The following LRMDA variants were observed in gnomAD, a reference collection of about 807,000 sequenced individuals.
LRMDA encodes the protein leucine-rich melanocyte differentiation-associated protein.
In LRMDA, 18 loss-of-function variants were observed where a neutral mutation model predicts 29.8. The ratio of observed to expected loss-of-function variants is 0.60; its 90% confidence interval spans 0.42 to 0.90. The LOEUF is 0.90. Among genes scored for constraint, LRMDA ranks in the 40% least tolerant of loss-of-function variants. The pLI, the probability that LRMDA is intolerant of heterozygous loss-of-function variation, is 0.00. For missense variants in LRMDA, 273 were observed against 273.9 expected (o/e 1.00, Z 0.02); for synonymous variants, 125 against 109.4 (o/e 1.14, Z -0.89).
intron 6 of LRMDA, among the ~76,000 whole-genome samples, chr10:76,421,271 C>T (rs1357844927): frequency 6.6e-6 from 1 of 152,016 alleles, no homozygotes; most frequent in African/African-American, 2.4e-5. Context: ...GAAATATTTT[C>T]CCTTTATTTT....
intron 2 of LRMDA, among the ~76,000 whole-genome samples, chr10:75,856,497 C>T (rs1441590026): frequency 2.0e-5 from 3 of 152,152 alleles, no homozygotes; most frequent in Non-Finnish European, 4.4e-5. Context: ...ATCAAGTGGG[C>T]TTCATCCCTG....
chr10:76,052,325 A>G (rs913215499), intron 4 of LRMDA, among the ~76,000 whole-genome samples: 5 of 152,238 alleles, frequency 3.3e-5, no homozygotes, highest in African/African-American at 1.2e-4. Context: ...TACTTCTTGA[A>G]TAGAGTGTCA....
chr10:76,509,451 G>A (rs557499994), intron 6 of LRMDA, among the ~76,000 whole-genome samples: 1 of 152,184 alleles, frequency 6.6e-6, no homozygotes, highest in Non-Finnish European at 1.5e-5. Flanking sequence ...AACAGTCCTT[G>A]AAATTATGCT....
At chr10:76,090,920 C>T (rs892999807) in intron 5 of LRMDA, among the ~76,000 whole-genome samples, 9 of 152,080 alleles carry the variant, frequency 5.9e-5, no homozygotes, top group African/African-American at 2.2e-4. Flanking sequence ...GGAGACTGTA[C>T]CACAATGTGA....
At chr10:75,448,913 A>G (rs1370580896) in intron 2 of LRMDA, among the ~76,000 whole-genome samples, 2 of 152,190 alleles carry the variant, frequency 1.3e-5, no homozygotes, top group African/African-American at 4.8e-5. Context: ...GCACTTTGGG[A>G]TACTGAGGTG....
intron 2 of LRMDA, among the ~76,000 whole-genome samples, chr10:75,598,473 C>T (rs918958505): frequency 1.3e-5 from 2 of 152,018 alleles, no homozygotes; most frequent in Non-Finnish European, 2.9e-5. Context: ...CTGGACAGTG[C>T]TGGACGATGT....
At position 76,095,631 on chromosome 10, in the gene LRMDA, G is replaced by C. The variant is rs561948110; in HGVS notation, c.516+36848G>C. ...CTTCCAGCAATGTATGAATGTTCCA[G>C]TTCTACTCACTTGCTATATATAACT... On this transcript the variant is annotated intron_variant, in intron 5 of 6. Transcript: ENST00000611255. Among the ~76,000 whole-genome samples the C allele has an allele frequency of 2.3e-3, 351 of 152,268 alleles. 1 individual carries two copies. Among genetic ancestry groups the C allele is most frequent in the African/African-American group, 8.1e-3 (335 of 41,552 alleles).
chr10:75,798,310 T>G (rs547941210), intron 2 of LRMDA, among the ~76,000 whole-genome samples: 1 of 152,242 alleles, frequency 6.6e-6, no homozygotes, highest in East Asian at 1.9e-4. Context: ...GCAAAAGTTT[T>G]TAATATTGGC....
chr10:75,854,531 G>T (rs962346790), intron 2 of LRMDA, among the ~76,000 whole-genome samples: 3 of 151,982 alleles, frequency 2.0e-5, no homozygotes, highest in African/African-American at 7.3e-5. Context: ...AATAATCAAG[G>T]CTTTGGAAAA....
At chr10:75,868,875 C>T (rs1845063181) in intron 2 of LRMDA, among the ~76,000 whole-genome samples, 1 of 152,200 alleles carries the variant, frequency 6.6e-6, no homozygotes, top group African/African-American at 2.4e-5. Context: ...CAGCTCCGTC[C>T]TGTGTGAATG....
At chr10:75,487,305 A>G (rs1015575777) in intron 2 of LRMDA, among the ~76,000 whole-genome samples, 1 of 152,208 alleles carries the variant, frequency 6.6e-6, no homozygotes, top group Non-Finnish European at 1.5e-5. Context: ...AACTGTATGT[A>G]CCAGCAAATG....
intron 6 of LRMDA, among the ~76,000 whole-genome samples, chr10:76,469,157 C>T (rs1322054427): frequency 6.6e-6 from 1 of 152,152 alleles, no homozygotes; most frequent in Non-Finnish European, 1.5e-5. Flanking sequence ...TCCTCCTCCC[C>T]GCAGCTTACT....
At chr10:75,981,757 C>T (rs1847174548) in intron 2 of LRMDA, among the ~76,000 whole-genome samples, 1 of 150,300 alleles carries the variant, frequency 6.7e-6, no homozygotes, top group Non-Finnish European at 1.5e-5. Context: ...GAGGCTGAGG[C>T]AGGAGAATCA....
intron 2 of LRMDA, among the ~76,000 whole-genome samples, chr10:75,721,134 T>A (rs1436123128): frequency 6.6e-6 from 1 of 152,236 alleles, no homozygotes; most frequent in African/African-American, 2.4e-5. Flanking sequence ...AATCTGAGAC[T>A]GTTTGTAATT....
At position 76,119,087 on chromosome 10, in the gene LRMDA, T is replaced by C. The variant is rs145533243; in HGVS notation, c.516+60304T>C. Among the ~76,000 whole-genome samples, 919 of 152,306 alleles carry C rather than the reference T, an allele frequency of 6.0e-3. 4 individuals carry two copies. The highest frequency in any genetic ancestry group is 0.019 in the African/African-American group (772 of 41,560). ...AATTAGTCCCTGTAGAAAGGATTGATTTTTGAGAGGCTTGTAGTGAACATC... is the reference window on the plus strand; with the variant it reads ...AATTAGTCCCTGTAGAAAGGATTGACTTTTGAGAGGCTTGTAGTGAACATC... On this transcript the variant is annotated intron_variant, in intron 5 of 6. Coordinates refer to ENST00000611255, the MANE Select transcript of LRMDA (RefSeq NM_001305581.2).
In LRMDA at chr10:75,576,471, G is replaced by A. The variant is rs146344733; in HGVS notation, c.131+137977G>A. Among the ~76,000 whole-genome samples, 979 of 152,364 alleles carry A rather than the reference G, an allele frequency of 6.4e-3. 14 individuals are homozygous for A. The highest frequency in any genetic ancestry group is 0.022 in the African/African-American group (913 of 41,592). On this transcript the variant is annotated intron_variant, in intron 2 of 6. Coordinates refer to ENST00000611255, the MANE Select transcript of LRMDA (RefSeq NM_001305581.2). ...TCAGCAGACTTAAATGTCCCTGCCT[G>A]GCAGCTCTGAAGAGAGCAGCAGATC...
intron 5 of LRMDA, among the ~76,000 whole-genome samples, chr10:76,216,228 T>G (rs2132252035): frequency 6.6e-6 from 1 of 152,290 alleles, no homozygotes; most frequent in Non-Finnish European, 1.5e-5. Flanking sequence ...TGGTGGCATG[T>G]GCCTGTTGTC....
chr10:75,996,749 T>C (rs569594517), intron 2 of LRMDA, among the ~76,000 whole-genome samples: 137 of 151,804 alleles, frequency 9.0e-4, no homozygotes, highest in African/African-American at 3.2e-3. Flanking sequence ...TTTTTTTTTT[T>C]TGAGACGGAG....
At chr10:75,583,878 GT>G in intron 2 of LRMDA, among the ~76,000 whole-genome samples, 1 of 152,220 alleles carries the variant, frequency 6.6e-6, no homozygotes, top group East Asian at 1.9e-4. Flanking sequence ...CTGTCCTCCT[GT>G]TTTAGCAGGC....
Sources: gnomAD v4.1 joint callset for allele counts (sites outside exome capture counted in the v4.1 genomes callset) on GRCh38, gnomAD v4.1.1 for gene constraint, MANE v1.5 for transcripts, NCBI Gene and HGNC (gene_info 2026-07-23, HGNC 2026-07-21) for gene names.